ANKRD31: variants seen among roughly 807,000 people sequenced by gnomAD.
ANKRD31 encodes the protein ankyrin repeat domain-containing protein 31.
ANKRD31 carries 147 observed loss-of-function variants against 186.0 expected under a neutral mutation model. The ratio of observed to expected loss-of-function variants is 0.79; its 90% CI spans 0.69 to 0.91. The LOEUF is 0.91. Among genes scored for constraint, ANKRD31 ranks in the 40% least tolerant of loss-of-function variants. ANKRD31 has a pLI of 0.00. For missense variants in ANKRD31, 1,986 were observed against 2,148.8 expected (o/e 0.92, Z 1.50); for synonymous variants, 673 against 736.4 (o/e 0.91, Z 1.39).
intron 10 of ANKRD31, among the ~76,000 whole-genome samples, chr5:75,172,855 G>GA (rs1753455237): frequency 6.6e-6 from 1 of 151,754 alleles, no homozygotes; most frequent in Non-Finnish European, 1.5e-5. Context: ...CCAATCAACA[G>GA]AAAAAAAGGG....
intron 22 of ANKRD31, among the ~76,000 whole-genome samples, chr5:75,103,214 A>G (rs1283654419): frequency 6.6e-6 from 1 of 152,220 alleles, no homozygotes; most frequent in Middle Eastern, 3.2e-3. Context: ...AGGTTTAAAG[A>G]AGGCATTCAT....
Position 75,104,927 on chromosome 5 carries a change from CAA to C in ANKRD31, c.4630_4631del (p.Leu1544ValfsTer29). The C allele has an allele frequency of 6.5e-7, 1 of 1,537,088 alleles. No individual in the cohort carries two copies. Among genetic ancestry groups the C allele is most frequent in the Non-Finnish European group, 8.7e-7 (1 of 1,146,888 alleles). On this transcript the variant is annotated frameshift_variant, in exon 22 of 26. Coordinates refer to ENST00000506364, the MANE Select transcript of ANKRD31 (RefSeq NM_001372053.1). LOFTEE classifies it high-confidence loss of function. ...PVSGSMQETQLSLETWNYSQN... is the reference protein window; with the variant it reads ...PVSGSMQETQXSLETWNYSQN... ...GGCTGTAGTTCCAAGTTTCCAGAGA[CAA>C]TTGTGTTTCCTGCATGCTTCCAGAA...
intron 3 of ANKRD31, among the ~76,000 whole-genome samples, chr5:75,216,950 G>A (rs1427094066): frequency 6.6e-6 from 1 of 152,088 alleles, no homozygotes; most frequent in Non-Finnish European, 1.5e-5. Context: ...TTCAAAGAAT[G>A]TCTTGATTTC....
chr5:75,168,001 G>C (rs1299026030), intron 11 of ANKRD31, among the ~76,000 whole-genome samples: 1 of 152,014 alleles, frequency 6.6e-6, no homozygotes, highest in Non-Finnish European at 1.5e-5. Context: ...CATTAAACTG[G>C]ATCCTGGGAA....
intron 9 of ANKRD31, among the ~76,000 whole-genome samples, chr5:75,189,795 A>T (rs1159505988): frequency 6.6e-6 from 1 of 152,128 alleles, no homozygotes; most frequent in African/African-American, 2.4e-5. Flanking sequence ...GAGAATTTTC[A>T]CCAGGAACAA....
At chr5:75,096,317 T>C (rs539534600) in intron 22 of ANKRD31, among the ~76,000 whole-genome samples, 42 of 152,314 alleles carry the variant, frequency 2.8e-4, no homozygotes, top group African/African-American at 8.2e-4. Flanking sequence ...ATGTCTTCTT[T>C]TGAGAAGTGT....
chr5:75,083,642 A>G (rs1222907945), intron 24 of ANKRD31, among the ~76,000 whole-genome samples: 2 of 152,096 alleles, frequency 1.3e-5, no homozygotes, highest in Non-Finnish European at 2.9e-5. Flanking sequence ...AGGCAGAAGA[A>G]TCACTTGAAC....
chr5:75,187,974 C>G (rs1754850731), intron 10 of ANKRD31, among the ~76,000 whole-genome samples: 1 of 152,126 alleles, frequency 6.6e-6, no homozygotes, highest in Admixed American at 6.6e-5. Context: ...ACATTCTACC[C>G]ACAGGGAACA....
intron 5 of ANKRD31, among the ~76,000 whole-genome samples, chr5:75,204,888 T>C (rs967313401): frequency 1.3e-5 from 2 of 152,220 alleles, no homozygotes; most frequent in East Asian, 1.9e-4. Flanking sequence ...TTCTTAGTTA[T>C]TAAAACTTTC....
At chr5:75,141,896 TAATATACATTTTGGAGCAAA>T (rs1243808937) in intron 15 of ANKRD31, among the ~76,000 whole-genome samples, 6 of 152,312 alleles carry the variant, frequency 3.9e-5, no homozygotes, top group African/African-American at 1.4e-4. Flanking sequence ...GGTAGCCATG[TAATATACATTTTGGAGCAAA>T]AACTCAAAAA....
intron 25 of ANKRD31, among the ~76,000 whole-genome samples, chr5:75,078,422 C>A (rs1744832659): frequency 1.3e-5 from 2 of 151,992 alleles, no homozygotes; most frequent in South Asian, 4.2e-4. Context: ...TTATTAGGAA[C>A]AAAAAAATAG....
At chr5:75,135,215 G>C (rs1024384426) in intron 17 of ANKRD31, among the ~76,000 whole-genome samples, 1 of 152,200 alleles carries the variant, frequency 6.6e-6, no homozygotes, top group African/African-American at 2.4e-5. Flanking sequence ...TAGGAAAAGA[G>C]GAAGTCAAAT....
At chr5:75,206,216 CAAAAAAAAAAAAAAA>C (rs1191388849) in intron 5 of ANKRD31, among the ~76,000 whole-genome samples, 180 bp downstream of exon 5, 1,275 of 14,536 alleles carry the variant, frequency 0.088, 47 homozygotes, top group South Asian at 0.11. Flanking sequence ...ACATCTCTAC[CAAAAAAAAAAAAAAA>C]AAAAAAAAAA....
At chr5:75,162,348 G>A (rs1420628509) in intron 11 of ANKRD31, among the ~76,000 whole-genome samples, 2 of 152,172 alleles carry the variant, frequency 1.3e-5, no homozygotes, top group Non-Finnish European at 2.9e-5. Context: ...GACTTGCATA[G>A]GGCCTGTAGC....
At chr5:75,134,937 T>G (rs1476655206) in intron 17 of ANKRD31, among the ~76,000 whole-genome samples, 1 of 152,150 alleles carries the variant, frequency 6.6e-6, no homozygotes, top group Admixed American at 6.5e-5. Context: ...TCTCAACAGT[T>G]GCAGAAAAGG....
intron 3 of ANKRD31, among the ~76,000 whole-genome samples, chr5:75,213,175 C>A (rs945300382): frequency 5.3e-5 from 8 of 152,178 alleles, no homozygotes; most frequent in Non-Finnish European, 7.4e-5. Context: ...TGTCGAGAGA[C>A]AAACCCAGAA....
chr5:75,133,872 C>T (rs695380), intron 17 of ANKRD31, among the ~76,000 whole-genome samples: 5,209 of 152,098 alleles, frequency 0.034, 100 homozygotes, highest in Non-Finnish European at 0.048. Context: ...CACTCAAAAC[C>T]GCTCAAATAC....
At chr5:75,129,714 T>A (rs1749581211) in intron 17 of ANKRD31, among the ~76,000 whole-genome samples, 1 of 152,200 alleles carries the variant, frequency 6.6e-6, no homozygotes, top group Non-Finnish European at 1.5e-5. Context: ...GCTCCCAGCA[T>A]GAGCGATGCA....
At chr5:75,156,281 T>C (rs1193232573) in intron 11 of ANKRD31, among the ~76,000 whole-genome samples, 1 of 152,168 alleles carries the variant, frequency 6.6e-6, no homozygotes, top group Non-Finnish European at 1.5e-5. Flanking sequence ...ATACCACATC[T>C]CTTTTGAAAC....
Sources: allele counts gnomAD v4.1 joint callset (sites outside exome capture counted in the v4.1 genomes callset), GRCh38; gene constraint gnomAD v4.1.1; transcripts MANE v1.5; gene names NCBI Gene and HGNC (gene_info 2026-07-23, HGNC 2026-07-21).